The following CCDC88C variants were observed in gnomAD, a reference collection of about 807,000 sequenced individuals.
CCDC88C encodes protein Daple.
In CCDC88C, 131 loss-of-function variants were observed where a neutral mutation model predicts 198.8. The observed-to-expected ratio is 0.66, with a 90% CI of 0.57 to 0.76. The LOEUF is 0.76. CCDC88C is among the 30% of genes least tolerant of loss of function. The pLI is 0.00. For missense variants in CCDC88C, 2,553 were observed against 2,631.6 expected (o/e 0.97, Z 0.65); for synonymous variants, 1,166 against 1,114.7 (o/e 1.05, Z -0.92).
At chr14:91,346,753 G>A (rs1281693255) in intron 4 of CCDC88C, among the ~76,000 whole-genome samples, 1 of 152,158 alleles carries the variant, frequency 6.6e-6, no homozygotes, top group Non-Finnish European at 1.5e-5. Context: ...ACAAAAATTA[G>A]CTGGGCGTGG....
At chr14:91,364,543 G>C (rs780495489) in intron 3 of CCDC88C, among the ~76,000 whole-genome samples, 2 of 152,092 alleles carry the variant, frequency 1.3e-5, no homozygotes, top group African/African-American at 2.4e-5. Flanking sequence ...TCTCACAAGG[G>C]GAGAGGGCCC....
Position 91,339,048 on chromosome 14 carries a change from C to G in CCDC88C, c.809+230G>C. 1.6e-6 allele frequency: 1 copy of G among 628,248 alleles called. No individual in the cohort carries two copies. The highest frequency in any genetic ancestry group is 2.9e-6 in the Non-Finnish European group (1 of 344,586). 38.9% of individuals were successfully genotyped at this position (628,248 alleles called of 1,614,324 possible). A position where few individuals can be genotyped will look rare whatever the true frequency, so the allele number is the denominator to read the frequency against. On this transcript the variant is annotated intron_variant, in intron 8 of 29. Transcript: ENST00000389857. The surrounding 1 kb of genome is among the most constrained non-coding windows in gnomAD (Gnocchi z 5.8). ...CTGTGGACAACTTGCACCGTCTGGA[C>G]GGGAGGAAACCCTGAAGACCGGGAA... is the stretch of plus-strand genomic sequence containing the variant.
intron 6 of CCDC88C, 123 bp from the exon 7 acceptor site, chr14:91,340,147 G>T: frequency 7.4e-7 from 1 of 1,354,300 alleles, no homozygotes; most frequent in Non-Finnish European, 1.0e-6. Context: ...ATTTACGGTG[G>T]CCAGCAAAAG....
intron 3 of CCDC88C, among the ~76,000 whole-genome samples, chr14:91,397,250 G>C (rs940267784): frequency 6.6e-6 from 1 of 152,150 alleles, no homozygotes; most frequent in Non-Finnish European, 1.5e-5. Context: ...GCCCAGGCAA[G>C]GGGACAGCCA....
chr14:91,387,357 G>A (rs1387871258), intron 3 of CCDC88C, among the ~76,000 whole-genome samples: 2 of 152,146 alleles, frequency 1.3e-5, no homozygotes, highest in East Asian at 1.9e-4. Flanking sequence ...GAGGTTTGGC[G>A]AATTGGCTCA....
intron 17 of CCDC88C, among the ~76,000 whole-genome samples, chr14:91,307,865 C>G (rs1891627814): frequency 6.6e-6 from 1 of 152,220 alleles, no homozygotes; most frequent in Non-Finnish European, 1.5e-5. Flanking sequence ...GGAGCATGTG[C>G]ATATGTGGAG....
At chr14:91,334,006 C>G (rs1052430760) in intron 10 of CCDC88C, among the ~76,000 whole-genome samples, 6 of 152,232 alleles carry the variant, frequency 3.9e-5, no homozygotes, top group Non-Finnish European at 8.8e-5. Context: ...CTAACACTAA[C>G]ATTTTATCGT....
intron 26 of CCDC88C, among the ~76,000 whole-genome samples, chr14:91,282,424 C>G (rs1890237103): frequency 6.6e-6 from 1 of 152,204 alleles, no homozygotes; most frequent in Admixed American, 6.5e-5. Flanking sequence ...ATGCCCTTTT[C>G]CGTTTTAAGC....
intron 1 of CCDC88C, 24 bp from the exon 2 acceptor site, chr14:91,416,862 GAAAGA>G: frequency 1.3e-6 from 2 of 1,543,756 alleles, no homozygotes; most frequent in Non-Finnish European, 1.8e-6. Flanking sequence ...GACGAGGAGA[GAAAGA>G]CAGGAAGTCA....
rs530228898 is a variant in CCDC88C, at chr14:91,298,991, G to A, written c.3779+936C>T. On this transcript the variant is annotated intron_variant, in intron 21 of 29. Coordinates refer to ENST00000389857, the MANE Select transcript of CCDC88C (RefSeq NM_001080414.4). ...AAAGAAAGCCAAAAAGATAACAATA[G>A]TATAGTCGATTCTCATTATGTGTGG... 2.6e-5 allele frequency among the ~76,000 whole-genome samples: 4 copies of A among 152,294 alleles called. No individual in the cohort carries two copies. In the East Asian group the frequency reaches 7.7e-4, roughly 29 times the overall value.
chr14:91,335,417 C>T (rs1312309181), intron 10 of CCDC88C, among the ~76,000 whole-genome samples: 4 of 152,054 alleles, frequency 2.6e-5, no homozygotes, highest in African/African-American at 9.7e-5. Context: ...TCAGGTGTCT[C>T]TCCTGCACGC....
intron 15 of CCDC88C, 102 bp downstream of exon 15, chr14:91,312,978 A>G (rs1891903208): frequency 3.5e-6 from 3 of 860,622 alleles, no homozygotes; most frequent in Non-Finnish European, 5.3e-6. Flanking sequence ...TAAAGCATTT[A>G]AGGAGGACAC....
At chr14:91,299,743 C>T (rs1891185237) in intron 21 of CCDC88C, among the ~76,000 whole-genome samples, 184 bp downstream of exon 21, 1 of 152,254 alleles carries the variant, frequency 6.6e-6, no homozygotes, top group African/African-American at 2.4e-5. Flanking sequence ...CACCTGAGTG[C>T]TCTCATGCCA....
At position 91,338,878 on chromosome 14, in the gene CCDC88C, C is replaced by T. The variant is rs1466911013; in HGVS notation, c.810-308G>A. 2 of 487,874 alleles carry T rather than the reference C, an allele frequency of 4.1e-6. No individual in the cohort carries two copies. The highest frequency in any genetic ancestry group is 3.9e-5 in the African/African-American group (2 of 51,398). 30.2% of individuals were successfully genotyped at this position (487,874 alleles called of 1,614,324 possible). The stretch of plus-strand genomic sequence containing the variant: ...CCCCACAGCCAGGCTCCACAGGTGA[C>T]ATCCATCAGCTGCAGGAAACCTGGG... On this transcript the variant is annotated intron_variant, in intron 8 of 29. Coordinates refer to ENST00000389857, the MANE Select transcript of CCDC88C (RefSeq NM_001080414.4). This position sits in a 1 kb window ranked among gnomAD's most constrained non-coding sequence, Gnocchi z 4.8.
At chr14:91,376,672 G>A (rs1884438302) in intron 3 of CCDC88C, among the ~76,000 whole-genome samples, 1 of 152,228 alleles carries the variant, frequency 6.6e-6, no homozygotes. Flanking sequence ...AGATGCGGAA[G>A]AGTGGCTGGT....
intron 4 of CCDC88C, among the ~76,000 whole-genome samples, chr14:91,348,435 G>GC (rs1893643838): frequency 6.6e-6 from 1 of 151,778 alleles, no homozygotes; most frequent in African/African-American, 2.4e-5. Context: ...CTTTGATTGT[G>GC]CCACTGCACT....
rs572352003 is a variant in CCDC88C at position 91,394,971 on chromosome 14, C to T, written c.270+13688G>A. Reference sequence around the variant, plus strand: ...CCTCTGCCAGACGGGTGGGCATCCTCCCCTCCCACCCACGTGTCCCCTGAG... The same window carrying T: ...CCTCTGCCAGACGGGTGGGCATCCTTCCCTCCCACCCACGTGTCCCCTGAG... On this transcript the variant is annotated intron_variant, in intron 3 of 29. Coordinates refer to ENST00000389857, the MANE Select transcript of CCDC88C (RefSeq NM_001080414.4). 2.6e-5 allele frequency among the ~76,000 whole-genome samples: 4 copies of T among 152,276 alleles called. No individual in the cohort carries two copies. The East Asian group carries it at 7.7e-4, about 29-fold the overall frequency.
chr14:91,392,405 A>G (rs1419959701), intron 3 of CCDC88C, among the ~76,000 whole-genome samples: 1 of 152,146 alleles, frequency 6.6e-6, no homozygotes, highest in African/African-American at 2.4e-5. Context: ...GCAGGGAAGG[A>G]CACCTTAATT....
chr14:91,318,475 G>C (rs1892202824), intron 13 of CCDC88C, among the ~76,000 whole-genome samples: 1 of 152,160 alleles, frequency 6.6e-6, no homozygotes. Flanking sequence ...ATGAGACGGG[G>C]GTGTCTTCTG....
Sources: allele counts gnomAD v4.1 joint callset (sites outside exome capture counted in the v4.1 genomes callset), GRCh38; gene constraint gnomAD v4.1.1; non-coding constraint Gnocchi (gnomAD v3.1); transcripts MANE v1.5; gene names NCBI Gene and HGNC (gene_info 2026-07-23, HGNC 2026-07-21).